The following TAFA5 variants were observed in gnomAD, a reference collection of about 807,000 sequenced individuals.
TAFA5 encodes chemokine-like protein TAFA-5.
A neutral mutation model predicts 15.3 loss-of-function variants in TAFA5; 6 were observed. That is an observed-to-expected ratio of 0.39 (90% CI 0.21 to 0.77). TAFA5 has a LOEUF of 0.77. Among genes scored for constraint, TAFA5 ranks in the 30% least tolerant of loss-of-function variants. The pLI is 0.41. For synonymous variants in TAFA5, 103 were observed against 80.7 expected (o/e 1.28, Z -1.48); for missense variants, 161 against 193.1 (o/e 0.83, Z 0.98).
At chr22:48,646,906 G>C (rs1465141923) in intron 2 of TAFA5, among the ~76,000 whole-genome samples, 160 bp downstream of exon 2, 1 of 152,204 alleles carries the variant, frequency 6.6e-6, no homozygotes, top group Non-Finnish European at 1.5e-5. Context: ...CATGGATGGT[G>C]TGAGCTTGTG....
At chr22:48,516,591 C>T (rs1401576765) in intron 1 of TAFA5, among the ~76,000 whole-genome samples, 3 of 152,240 alleles carry the variant, frequency 2.0e-5, no homozygotes, top group Non-Finnish European at 2.9e-5. Context: ...CAGCTCTGAA[C>T]GTTGCAGGGT....
chr22:48,723,761 A>G (rs1929638287), intron 3 of TAFA5, among the ~76,000 whole-genome samples: 2 of 152,128 alleles, frequency 1.3e-5, no homozygotes, highest in South Asian at 4.1e-4. Context: ...GGTTCATGGG[A>G]TGATAAGAAA....
intron 1 of TAFA5, among the ~76,000 whole-genome samples, chr22:48,610,421 C>G (rs1231728581): frequency 2.0e-5 from 3 of 152,254 alleles, no homozygotes; most frequent in Admixed American, 6.5e-5. Context: ...ATAAATAAAT[C>G]ACGACGAAAG....
chr22:48,576,795 C>T (rs1054173809), intron 1 of TAFA5, among the ~76,000 whole-genome samples: 8 of 151,604 alleles, frequency 5.3e-5, no homozygotes, highest in Non-Finnish European at 2.9e-5. Flanking sequence ...CGGCAGGGCG[C>T]GGGGTCGGGG....
At chr22:48,551,177 G>A (rs567878379) in intron 1 of TAFA5, among the ~76,000 whole-genome samples, 5 of 152,170 alleles carry the variant, frequency 3.3e-5, no homozygotes, top group South Asian at 2.1e-4. Context: ...CAGCCATGCT[G>A]AAGACCCCTC....
chr22:48,710,425 C>T (rs1363671939), intron 3 of TAFA5, among the ~76,000 whole-genome samples: 1 of 152,228 alleles, frequency 6.6e-6, no homozygotes, highest in Non-Finnish European at 1.5e-5. Context: ...CTCTCCTCCC[C>T]TGTAGTTCTT....
intron 1 of TAFA5, among the ~76,000 whole-genome samples, chr22:48,509,960 AAAAAAG>A (rs201595844): frequency 2.2e-3 from 193 of 86,072 alleles, no homozygotes; most frequent in African/African-American, 4.3e-3. Context: ...CAAAAAAAAA[AAAAAAG>A]AAAAAGAAAA....
At chr22:48,602,249 G>A (rs1034625545) in intron 1 of TAFA5, among the ~76,000 whole-genome samples, 10 of 152,338 alleles carry the variant, frequency 6.6e-5, no homozygotes, top group Non-Finnish European at 1.3e-4. Context: ...GAAATGGGAG[G>A]AGATGGCCCA....
At chr22:48,532,533 C>T (rs977248893) in intron 1 of TAFA5, among the ~76,000 whole-genome samples, 8 of 152,216 alleles carry the variant, frequency 5.3e-5, no homozygotes, top group South Asian at 2.1e-4. Context: ...TCAACGATTA[C>T]GCACTGTCGC....
rs76506390 is a variant in TAFA5, at chr22:48,590,112, G to A, written c.113-56485G>A. On this transcript the variant is annotated intron_variant, in intron 1 of 3. Coordinates refer to ENST00000402357, the MANE Select transcript of TAFA5 (RefSeq NM_001082967.3). ...TCCACCTTGTCTCAAGGAGGACCTGGAGGGGACAGATGCTCCGTCAGCATG... is the reference window on the plus strand; with the variant it reads ...TCCACCTTGTCTCAAGGAGGACCTGAAGGGGACAGATGCTCCGTCAGCATG... 4.3e-3 allele frequency among the ~76,000 whole-genome samples: 654 copies of A among 152,220 alleles called. 43 individuals are homozygous for A. The East Asian group carries it at 0.11, about 26-fold the overall frequency.
At chr22:48,658,561 G>A (rs1387161026) in intron 2 of TAFA5, among the ~76,000 whole-genome samples, 1 of 152,208 alleles carries the variant, frequency 6.6e-6, no homozygotes, top group Non-Finnish European at 1.5e-5. Flanking sequence ...GCTCCTTCCT[G>A]AAGGTTATAT....
At chr22:48,720,750 G>A (rs1043860519) in intron 3 of TAFA5, among the ~76,000 whole-genome samples, 3 of 132,276 alleles carry the variant, frequency 2.3e-5, no homozygotes, top group Non-Finnish European at 3.5e-5. Context: ...ACCTGGGCAC[G>A]GAGCCTCCAC....
intron 3 of TAFA5, among the ~76,000 whole-genome samples, chr22:48,717,783 G>C (rs765096706): frequency 6.6e-6 from 1 of 152,222 alleles, no homozygotes; most frequent in Admixed American, 6.5e-5. Context: ...AGCTTCTGAG[G>C]GGGGTGATGG....
At chr22:48,518,556 G>A (rs1017471948) in intron 1 of TAFA5, among the ~76,000 whole-genome samples, 12 of 152,136 alleles carry the variant, frequency 7.9e-5, no homozygotes, top group African/African-American at 2.7e-4. Context: ...GCAAAGGCTC[G>A]GAAAGAACCC....
rs1317020806 is a variant in TAFA5 at position 48,566,500 on chromosome 22, G to A, written c.112+76796G>A. 6.6e-6 allele frequency among the ~76,000 whole-genome samples: 1 copy of A among 152,154 alleles called. No individual in the cohort carries two copies. Among genetic ancestry groups the A allele is most frequent in the Non-Finnish European group, 1.5e-5 (1 of 68,040 alleles). ...GGTGGATGACAGATGGATGGATGAT[G>A]TACAGATGGACAAATGGGTGAGTGG... On this transcript the variant is annotated intron_variant, in intron 1 of 3. Transcript: ENST00000402357. This position sits in a 1 kb window ranked among gnomAD's most constrained non-coding sequence, Gnocchi z 4.5.
chr22:48,678,864 G>A (rs958909680), intron 2 of TAFA5, among the ~76,000 whole-genome samples: 6 of 118,474 alleles, frequency 5.1e-5, no homozygotes, highest in Non-Finnish European at 9.2e-5. Context: ...TCTGAGTTCC[G>A]GTGCCAGGGC....
intron 1 of TAFA5, among the ~76,000 whole-genome samples, chr22:48,580,632 C>T (rs78130672): frequency 1.3e-3 from 203 of 152,178 alleles, no homozygotes; most frequent in African/African-American, 4.5e-3. Context: ...GAGTGTCTAA[C>T]GGTGGAGGAG....
At chr22:48,575,644 A>C (rs1923748347) in intron 1 of TAFA5, among the ~76,000 whole-genome samples, 1 of 145,956 alleles carries the variant, frequency 6.9e-6, no homozygotes, top group South Asian at 2.1e-4. Flanking sequence ...CAGCGTGGGC[A>C]GCCCAGGGGC....
At chr22:48,590,204 G>C (rs539893893) in intron 1 of TAFA5, among the ~76,000 whole-genome samples, 1 of 152,156 alleles carries the variant, frequency 6.6e-6, no homozygotes, top group Non-Finnish European at 1.5e-5. Context: ...TTGAGTTGGG[G>C]GTTAAAGAAG....
Sources: allele counts gnomAD v4.1 joint callset (sites outside exome capture counted in the v4.1 genomes callset), GRCh38; gene constraint gnomAD v4.1.1; non-coding constraint Gnocchi (gnomAD v3.1); transcripts MANE v1.5; gene names NCBI Gene and HGNC (gene_info 2026-07-23, HGNC 2026-07-21).